ESCO2: variants seen among roughly 807,000 people sequenced by gnomAD.
ESCO2 encodes the protein establishment of sister chromatid cohesion N-acetyltransferase 2.
A neutral mutation model predicts 61.7 loss-of-function variants in ESCO2; 51 were observed. The observed-to-expected ratio is 0.83, with a 90% CI of 0.66 to 1.04. The LOEUF is 1.04. ESCO2 is among the 50% of genes least tolerant of loss of function. ESCO2 has a pLI of 0.00. For missense variants in ESCO2, 692 were observed against 686.2 expected (o/e 1.01, Z -0.09); for synonymous variants, 230 against 238.2 (o/e 0.97, Z 0.32).
chr8:27,777,969 C>A (rs765874180), intron 3 of ESCO2: 1 of 152,156 alleles, frequency 6.6e-6, no homozygotes, highest in African/African-American at 2.4e-5. Context: ...CTCGTAATCA[C>A]CTAAATTTCA....
intron 4 of ESCO2, among the ~76,000 whole-genome samples, chr8:27,783,542 A>G (rs915108072): frequency 9.2e-5 from 14 of 152,226 alleles, no homozygotes; most frequent in Middle Eastern, 3.4e-3. Context: ...TACCAAATCC[A>G]AGTTCATGAA....
chr8:27,810,587 G>C (rs1805658301), downstream of ESCO2: 9 of 726,350 alleles, frequency 1.2e-5, no homozygotes, highest in Admixed American at 1.8e-4. Context: ...CCTGAAACAA[G>C]AATTTATGGT....
At chr8:27,785,647 C>T (rs1805023352) in intron 5 of ESCO2, among the ~76,000 whole-genome samples, 1 of 150,840 alleles carries the variant, frequency 6.6e-6, no homozygotes, top group African/African-American at 2.5e-5. Flanking sequence ...TTGCAGTGAG[C>T]CAAGATGGTG....
At chr8:27,774,417 T>C (rs1019870910), upstream of ESCO2, 5 of 152,144 alleles carry the variant, frequency 3.3e-5, no homozygotes, top group African/African-American at 9.7e-5. Flanking sequence ...CGCGAGAATC[T>C]TGGAAACAGC....
Position 27,780,209 on chromosome 8 carries a change from T to G in ESCO2, c.897T>G (p.His299Gln). The G allele has an allele frequency of 6.2e-7, 1 of 1,612,132 alleles. No homozygotes were observed. Among genetic ancestry groups the G allele is most frequent in the Non-Finnish European group, 8.5e-7 (1 of 1,178,730 alleles). Residue 299 changes from histidine (H) to glutamine (Q), a missense_variant, in exon 4 of 11, where the codon CAT becomes CAG. By Grantham distance (24) the His-to-Gln change is conservative (BLOSUM62 0). Transcript: ENST00000305188. ...ATGACAGAGTTTCTTCAAAGGAACA[T>G]AAAGTTGATAAAAATGAGGCTTTTT... is the stretch of plus-strand genomic sequence containing the variant. Reference protein sequence around the residue: ...SSDDRVSSKEHKVDKNEAFSS... With the variant: ...SSDDRVSSKEQKVDKNEAFSS...
chr8:27,780,389 T>C, intron 4 of ESCO2, 122 bp downstream of exon 4: 1 of 680,328 alleles, frequency 1.5e-6, no homozygotes, highest in South Asian at 1.7e-5. Context: ...GTGGTTAGTA[T>C]CTTTGTTTAT....
At chr8:27,818,154 A>T in the ESCO2 span, among the ~76,000 whole-genome samples, 1 of 152,332 alleles carries the variant, frequency 6.6e-6, no homozygotes, top group South Asian at 2.1e-4. Flanking sequence ...GCTAATGGCC[A>T]TGCAGCTTGA....
chr8:27,804,847 A>G lies in ESCO2; in HGVS notation c.*1409A>G. 1.2e-6 allele frequency: 1 copy of G among 818,848 alleles called. No individual in the cohort carries two copies. Among genetic ancestry groups the G allele is most frequent in the African/African-American group, 1.9e-5 (1 of 51,620 alleles). The allele number at this position is 818,848 out of a possible 1,614,324, so 50.7% of individuals were successfully genotyped here. The stretch of plus-strand genomic sequence containing the variant: ...ATTTTATTTAAAATTTTTAATTAAC[A>G]TTTTGTTTGCTTAATGCTTTTGTTA... On this transcript the variant is annotated 3_prime_UTR_variant, in exon 11 of 11. Transcript: ENST00000305188.
At chr8:27,775,923 G>A (rs1387070847) in intron 2 of ESCO2, among the ~76,000 whole-genome samples, 2 of 152,046 alleles carry the variant, frequency 1.3e-5, no homozygotes, top group Non-Finnish European at 2.9e-5. Context: ...GCATACAGTA[G>A]ATGCTTGTCT....
chr8:27,812,675 A>G (rs551214190), downstream of ESCO2: 39 of 151,930 alleles, frequency 2.6e-4, no homozygotes, highest in Non-Finnish European at 4.3e-4. Context: ...TGAACAGACA[A>G]CTTCTCAAAA....
chr8:27,773,527 A>G (rs2128950103), upstream of ESCO2: 1 of 137,192 alleles, frequency 7.3e-6, no homozygotes. Context: ...AACTCAAGCA[A>G]ACTCTACATT....
rs762643876 is a variant in ESCO2, at chr8:27,803,444, A to T, written c.*6A>T. 6.2e-7 allele frequency: 1 copy of T among 1,612,732 alleles called. No homozygotes were observed. The highest frequency in any genetic ancestry group is 1.7e-5 in the Admixed American group (1 of 60,002). ...TATATAATTTTAATAGTTAAAGCTG[A>T]TTTCAGTTATAAAGGAGTTACTATC... On this transcript the variant is annotated 3_prime_UTR_variant, in exon 11 of 11. Coordinates refer to ENST00000305188, the MANE Select transcript of ESCO2 (RefSeq NM_001017420.3).
At chr8:27,818,033 G>A in the ESCO2 span, among the ~76,000 whole-genome samples, 3 of 152,062 alleles carry the variant, frequency 2.0e-5, no homozygotes, top group Admixed American at 1.3e-4. Flanking sequence ...CTACTGTATT[G>A]GACAGTACCA....
Position 27,804,129 on chromosome 8 carries a change from A to C in ESCO2, c.*691A>C. 1 of 985,418 alleles carries C rather than the reference A, an allele frequency of 1.0e-6. No homozygotes were observed. The highest frequency in any genetic ancestry group is 1.2e-6 in the Non-Finnish European group (1 of 829,894). The allele number at this position is 985,418 out of a possible 1,614,324, so 61.0% of individuals were successfully genotyped here. ...AAAATGTTTAGAATTTATTTGTAAC[A>C]AGATGGTAAGGAATAAGATTATCCC... On this transcript the variant is annotated 3_prime_UTR_variant, in exon 11 of 11. Coordinates refer to ENST00000305188, the MANE Select transcript of ESCO2 (RefSeq NM_001017420.3).
Position 27,792,690 on chromosome 8 carries a change from T to C in ESCO2, c.1376T>C (p.Val459Ala), listed in dbSNP as rs775653801. ...IKKVEDVQELVDNELGFQQVV... is the reference protein window; with the variant it reads ...IKKVEDVQELADNELGFQQVV... Reference sequence around the variant, plus strand: ...TAGGTAGAAGATGTCCAAGAACTTGTTGATAATGAATTGGGCTTCCAGCAA... The same window carrying C: ...TAGGTAGAAGATGTCCAAGAACTTGCTGATAATGAATTGGGCTTCCAGCAA... The change falls in exon 9 of 11, where the codon GTT (valine) becomes GCT (alanine). Residue 459 changes from valine to alanine, a missense_variant. Transcript: ENST00000305188. 7.4e-6 allele frequency: 12 copies of C among 1,612,786 alleles called. No individual in the cohort carries two copies. Among genetic ancestry groups the C allele is most frequent in the Non-Finnish European group, 1.0e-5 (12 of 1,179,676 alleles).
rs117053681 is a variant in ESCO2 at position 27,793,780 on chromosome 8, C to T, written c.1497+969C>T. Among the ~76,000 whole-genome samples, 732 of 152,238 alleles carry T rather than the reference C, an allele frequency of 4.8e-3. 18 individuals are homozygous for T. The East Asian group carries it at 0.091, about 19-fold the overall frequency. ...GATTACAGGCATGAGCCACCGCACC[C>T]GGCCTTTAGCAATTTTCAAGTATAC... is the stretch of plus-strand genomic sequence containing the variant. On this transcript the variant is annotated intron_variant, in intron 9 of 10. Transcript: ENST00000305188.
At chr8:27,787,346 A>G (rs2128954629) in intron 5 of ESCO2, among the ~76,000 whole-genome samples, 1 of 151,824 alleles carries the variant, frequency 6.6e-6, no homozygotes, top group Non-Finnish European at 1.5e-5. Flanking sequence ...TTTTTCCTTA[A>G]GAATTTCACA....
chr8:27,816,226 G>GTA (rs1805807582), downstream of ESCO2, among the ~76,000 whole-genome samples: 2 of 151,608 alleles, frequency 1.3e-5, no homozygotes, highest in South Asian at 4.2e-4. Flanking sequence ...CTGCAACAGG[G>GTA]TAAGACTGTG....
rs1305657575 is a variant in ESCO2, at chr8:27,787,905, T to C, written c.1034T>C (p.Phe345Ser). The change falls in exon 6 of 11, where the codon TTT (phenylalanine) becomes TCT (serine). Residue 345 changes from phenylalanine (F) to serine (S), a missense_variant. Physicochemically the swap from Phe to Ser is radical, Grantham distance 155 (BLOSUM62 -2). Coordinates refer to ENST00000305188, the MANE Select transcript of ESCO2 (RefSeq NM_001017420.3). ...TCAAGATCTTTAGGTGAAGAACAGT[T>C]TTCTGTGGGATCTGTCAACTTCATG... is the stretch of plus-strand genomic sequence containing the variant. ...NSKRSLGEEQ[F>S]SVGSVNFMKQ... The C allele has an allele frequency of 1.2e-6, 2 of 1,613,364 alleles. No individual in the cohort carries two copies. Among genetic ancestry groups the C allele is most frequent in the African/African-American group, 2.7e-5 (2 of 74,906 alleles).
Sources: gnomAD v4.1 joint callset for allele counts (sites outside exome capture counted in the v4.1 genomes callset) on GRCh38, gnomAD v4.1.1 for gene constraint, MANE v1.5 for transcripts, NCBI Gene and HGNC (gene_info 2026-07-23, HGNC 2026-07-21) for gene names.